The following STPG2 variants were observed in gnomAD, a reference collection of about 807,000 sequenced individuals.
STPG2 encodes sperm tail PG-rich repeat containing 2, also known as sperm-tail PG-rich repeat-containing protein 2.
STPG2 carries 56 observed loss-of-function variants against 54.2 expected under a neutral mutation model. That is an observed-to-expected ratio of 1.03 (90% CI 0.83 to 1.29). The LOEUF (loss-of-function observed/expected upper bound fraction) is 1.29. STPG2 is among the 50% of genes most tolerant of loss of function. The pLI, the probability that STPG2 is intolerant of heterozygous loss-of-function variation, is 0.00. For missense variants in STPG2, 596 were observed against 544.9 expected (o/e 1.09, Z -0.93); for synonymous variants, 200 against 181.8 (o/e 1.10, Z -0.81).
At chr4:97,673,558 A>T (rs1722757001) in intron 10 of STPG2, among the ~76,000 whole-genome samples, 1 of 152,196 alleles carries the variant, frequency 6.6e-6, no homozygotes. Flanking sequence ...TTCCCAAAGC[A>T]CCCAGAATCT....
At chr4:97,650,547 C>T (rs960019589) in intron 10 of STPG2, among the ~76,000 whole-genome samples, 9 of 151,998 alleles carry the variant, frequency 5.9e-5, no homozygotes, top group Non-Finnish European at 1.0e-4. Flanking sequence ...GACAATTGGT[C>T]GAGTTTGTCT....
At chr4:97,751,774 C>T (rs1323438018) in intron 9 of STPG2, among the ~76,000 whole-genome samples, 1 of 151,684 alleles carries the variant, frequency 6.6e-6, no homozygotes, top group East Asian at 1.9e-4. Context: ...TCCAGAGGTC[C>T]TCTTCAGTAA....
chr4:97,749,436 A>T (rs1725516130), intron 9 of STPG2, among the ~76,000 whole-genome samples: 1 of 151,796 alleles, frequency 6.6e-6, no homozygotes, highest in African/African-American at 2.4e-5. Flanking sequence ...ATGCCAAAAA[A>T]GCAATAGCAA....
intron 5 of STPG2, among the ~76,000 whole-genome samples, chr4:98,016,605 G>C (rs1014697074): frequency 6.6e-6 from 1 of 151,722 alleles, no homozygotes; most frequent in African/African-American, 2.4e-5. Flanking sequence ...ATTTCTGTTT[G>C]GTTTTATTTT....
chr4:97,761,587 G>T (rs1725892144), intron 9 of STPG2, among the ~76,000 whole-genome samples: 1 of 152,124 alleles, frequency 6.6e-6, no homozygotes, highest in Non-Finnish European at 1.5e-5. Context: ...AGTTATGGCA[G>T]CCCTGGCAAA....
chr4:97,590,464 G>A (rs1014257226), intron 10 of STPG2, among the ~76,000 whole-genome samples: 8 of 151,956 alleles, frequency 5.3e-5, no homozygotes, highest in Admixed American at 6.6e-5. Context: ...TGATAACATC[G>A]AGGTCGTTTG....
At chr4:97,817,846 C>T (rs1727961074) in intron 9 of STPG2, among the ~76,000 whole-genome samples, 1 of 151,754 alleles carries the variant, frequency 6.6e-6, no homozygotes, top group Non-Finnish European at 1.5e-5. Flanking sequence ...TTTCTTAGGA[C>T]TTAACTTGAC....
chr4:97,844,910 T>A (rs1378537499), intron 8 of STPG2, among the ~76,000 whole-genome samples: 1 of 152,016 alleles, frequency 6.6e-6, no homozygotes, highest in Non-Finnish European at 1.5e-5. Context: ...GATCTATCTT[T>A]CAGTTAATTA....
intron 8 of STPG2, among the ~76,000 whole-genome samples, chr4:97,871,894 T>A (rs1730001561): frequency 6.6e-6 from 1 of 150,958 alleles, no homozygotes; most frequent in South Asian, 2.1e-4. Flanking sequence ...AAATACTAAA[T>A]AAAATAATTG....
At chr4:97,744,762 T>C (rs1560511733) in intron 9 of STPG2, among the ~76,000 whole-genome samples, 1 of 151,472 alleles carries the variant, frequency 6.6e-6, no homozygotes, top group Non-Finnish European at 1.5e-5. Context: ...TATGTGAATG[T>C]TGTCTGTCTC....
At chr4:98,037,125 T>G (rs1051777978) in intron 5 of STPG2, among the ~76,000 whole-genome samples, 2 of 151,846 alleles carry the variant, frequency 1.3e-5, no homozygotes, top group African/African-American at 2.4e-5. Flanking sequence ...AGGAAGAAAA[T>G]TTCCCTATTT....
chr4:97,929,333 G>T (rs541686127), intron 8 of STPG2, among the ~76,000 whole-genome samples: 1 of 152,236 alleles, frequency 6.6e-6, no homozygotes, highest in African/African-American at 2.4e-5. Context: ...ACTGCAATAA[G>T]CATTTGCATG....
chr4:97,473,403 A>G (rs1729991897), intron 4 of STPG2, among the ~76,000 whole-genome samples: 3 of 152,122 alleles, frequency 2.0e-5, no homozygotes, highest in African/African-American at 7.2e-5. Context: ...GCCGTCTTCT[A>G]TGGTCGAAAC....
At chr4:97,541,721 T>C (rs941179289) in intron 4 of STPG2, among the ~76,000 whole-genome samples, 9 of 152,152 alleles carry the variant, frequency 5.9e-5, no homozygotes, top group African/African-American at 2.2e-4. Flanking sequence ...CTTCAAACTA[T>C]ACTACAAGGC....
At chr4:97,943,748 C>G (rs1578716520) in intron 8 of STPG2, 149 bp downstream of exon 8, 10 of 533,690 alleles carry the variant, frequency 1.9e-5, no homozygotes, top group Non-Finnish European at 2.9e-5. Context: ...TTTTGTTGAA[C>G]TTTAAAAATA....
At chr4:97,525,825 T>C (rs1731269434) in intron 4 of STPG2, among the ~76,000 whole-genome samples, 1 of 152,160 alleles carries the variant, frequency 6.6e-6, no homozygotes, top group Non-Finnish European at 1.5e-5. Context: ...ATTTCTCTAA[T>C]GATCAGTGAT....
At chr4:97,764,041 C>T (rs189838388) in intron 9 of STPG2, among the ~76,000 whole-genome samples, 8 of 151,548 alleles carry the variant, frequency 5.3e-5, no homozygotes, top group Admixed American at 4.0e-4. Flanking sequence ...GAATTCCATG[C>T]TCAGAATCAC....
intron 5 of STPG2, among the ~76,000 whole-genome samples, chr4:98,096,056 A>T (rs1393573027): frequency 6.6e-6 from 1 of 152,218 alleles, no homozygotes; most frequent in Non-Finnish European, 1.5e-5. Flanking sequence ...TATGCTCCTT[A>T]ATGATCAGTG....
At chr4:97,587,360 C>A (rs1733026448) in intron 10 of STPG2, among the ~76,000 whole-genome samples, 1 of 151,866 alleles carries the variant, frequency 6.6e-6, no homozygotes, top group African/African-American at 2.4e-5. Flanking sequence ...CAACAGGTTT[C>A]TTTGTGTTAT....
Sources: allele counts gnomAD v4.1 joint callset (sites outside exome capture counted in the v4.1 genomes callset), GRCh38; gene constraint gnomAD v4.1.1; transcripts MANE v1.5; gene names NCBI Gene and HGNC (gene_info 2026-07-23, HGNC 2026-07-21).